The following LEKR1 variants were observed in gnomAD, a reference collection of about 807,000 sequenced individuals.
LEKR1 encodes the protein leucine, glutamate and lysine rich 1.
LEKR1 carries 59 observed loss-of-function variants against 72.4 expected under a neutral mutation model. That is an observed-to-expected ratio of 0.82 (90% CI 0.66 to 1.01). LEKR1 has a LOEUF of 1.01. Ranked by LOEUF, LEKR1 falls within the 50% of genes least tolerant of loss-of-function variation. The pLI, the probability that LEKR1 is intolerant of heterozygous loss-of-function variation, is 0.00. For missense variants in LEKR1, 728 were observed against 759.2 expected (o/e 0.96, Z 0.48); for synonymous variants, 257 against 263.2 (o/e 0.98, Z 0.23).
At chr3:156,854,403 C>T (rs1436288570) in intron 3 of LEKR1, among the ~76,000 whole-genome samples, 1 of 152,028 alleles carries the variant, frequency 6.6e-6, no homozygotes, top group Non-Finnish European at 1.5e-5. Flanking sequence ...ACCTGGGCCT[C>T]CCAAACTGTT....
At chr3:156,915,675 C>T (rs377260554) in intron 3 of LEKR1, among the ~76,000 whole-genome samples, 6 of 151,578 alleles carry the variant, frequency 4.0e-5, no homozygotes, top group South Asian at 2.1e-4. Context: ...GTTTTAGATG[C>T]GTAGTTTGTA....
chr3:157,032,917 C>A (rs1049465974), intron 12 of LEKR1, among the ~76,000 whole-genome samples: 2 of 152,016 alleles, frequency 1.3e-5, no homozygotes, highest in Non-Finnish European at 2.9e-5. Flanking sequence ...CTTTGTGTCA[C>A]AGTTTGGTAA....
intron 3 of LEKR1, among the ~76,000 whole-genome samples, chr3:156,915,623 CT>C (rs1340169446): frequency 6.6e-6 from 1 of 150,996 alleles, no homozygotes; most frequent in Non-Finnish European, 1.5e-5. Flanking sequence ...TGTTTTTTTT[CT>C]TGTAAATTTG....
intron 6 of LEKR1, among the ~76,000 whole-genome samples, chr3:156,973,696 A>G (rs1056154032): frequency 4.6e-5 from 7 of 152,102 alleles, no homozygotes; most frequent in Non-Finnish European, 7.4e-5. Flanking sequence ...GCTCAATTGG[A>G]ATGGATAGAA....
At chr3:156,872,234 A>G (rs913831744) in intron 3 of LEKR1, among the ~76,000 whole-genome samples, 1 of 151,390 alleles carries the variant, frequency 6.6e-6, no homozygotes, top group Non-Finnish European at 1.5e-5. Context: ...TGGTGTTTAT[A>G]GTTGTTTATA....
chr3:156,902,140 A>G (rs1722099640), intron 3 of LEKR1, among the ~76,000 whole-genome samples: 1 of 151,888 alleles, frequency 6.6e-6, no homozygotes, highest in South Asian at 2.1e-4. Context: ...TATTATTTCA[A>G]GTGCACTCAC....
At chr3:157,016,188 GT>G (rs1203699819) in intron 10 of LEKR1, among the ~76,000 whole-genome samples, 2 of 151,970 alleles carry the variant, frequency 1.3e-5, no homozygotes. Flanking sequence ...ATGACGGAAA[GT>G]TTTACAAATT....
intron 6 of LEKR1, among the ~76,000 whole-genome samples, chr3:156,953,812 A>G (rs1488618759): frequency 1.3e-5 from 2 of 151,958 alleles, no homozygotes; most frequent in African/African-American, 2.4e-5. Flanking sequence ...TATTGTGAAT[A>G]GTGCTGCAAT....
chr3:156,962,044 G>A (rs767998245), intron 6 of LEKR1, among the ~76,000 whole-genome samples: 4 of 152,066 alleles, frequency 2.6e-5, no homozygotes, highest in Non-Finnish European at 5.9e-5. Flanking sequence ...TTATTTTCTA[G>A]TCAGCCCTGA....
chr3:156,912,548 G>A (rs1469885506), intron 3 of LEKR1, among the ~76,000 whole-genome samples: 2 of 152,170 alleles, frequency 1.3e-5, no homozygotes, highest in Admixed American at 6.5e-5. Flanking sequence ...CCTATCTGCT[G>A]TCAAAGTCCA....
At chr3:156,895,741 A>G (rs1438341356) in intron 3 of LEKR1, among the ~76,000 whole-genome samples, 2 of 152,184 alleles carry the variant, frequency 1.3e-5, no homozygotes, top group African/African-American at 2.4e-5. Context: ...GAGAAAAAGG[A>G]ATGCTTTTAC....
chr3:156,973,318 C>T (rs1326298791), intron 6 of LEKR1, among the ~76,000 whole-genome samples: 1 of 151,886 alleles, frequency 6.6e-6, no homozygotes, highest in African/African-American at 2.4e-5. Flanking sequence ...GGGTATAGTA[C>T]CTGGTACATA....
chr3:157,023,585 T>C (rs1350161650), intron 10 of LEKR1, among the ~76,000 whole-genome samples: 1 of 152,124 alleles, frequency 6.6e-6, no homozygotes, highest in Non-Finnish European at 1.5e-5. Context: ...ATGTTAGAGC[T>C]TTACACAGAA....
intron 9 of LEKR1, among the ~76,000 whole-genome samples, chr3:156,995,921 CCTT>C (rs78861206): frequency 0.027 from 4,185 of 152,210 alleles, 157 homozygotes; most frequent in East Asian, 0.18. Flanking sequence ...ATAAGCGTTG[CCTT>C]CTTCTTTTTT....
chr3:156,979,217 C>G lies in LEKR1; in HGVS notation c.769C>G (p.Leu257Val). The G allele has an allele frequency of 7.8e-7, 1 of 1,285,510 alleles. No homozygotes were observed. Among genetic ancestry groups the G allele is most frequent in the Non-Finnish European group, 1.0e-6 (1 of 983,962 alleles). 79.6% of individuals were successfully genotyped at this position (1,285,510 alleles called of 1,614,324 possible). A position where few individuals can be genotyped will look rare whatever the true frequency, so the allele number is the denominator to read the frequency against. ...VLDLQCLVEA[L>V]GLKLQKAVTE... ...AGATTTACAATGTCTAGTAGAGGCA[C>G]TTGGATTAAAACTTCAGAAGGCGGT... The change falls in exon 7 of 13, where the codon CTT becomes GTT. Residue 257 changes from leucine (L) to valine (V), a missense_variant. Coordinates refer to ENST00000356539, the MANE Select transcript of LEKR1 (RefSeq NM_001004316.3).
intron 3 of LEKR1, among the ~76,000 whole-genome samples, chr3:156,915,098 T>C (rs1344442587): frequency 6.6e-5 from 10 of 152,174 alleles, no homozygotes; most frequent in Admixed American, 6.6e-4. Flanking sequence ...ACCCCATCCA[T>C]GTTCCTGCAA....
At chr3:157,005,608 A>G (rs1167544486) in intron 9 of LEKR1, among the ~76,000 whole-genome samples, 1 of 152,142 alleles carries the variant, frequency 6.6e-6, no homozygotes, top group African/African-American at 2.4e-5. Flanking sequence ...AAGGAAATAA[A>G]TCATGAATAA....
At chr3:156,841,680 G>T (rs144751954) in intron 2 of LEKR1, among the ~76,000 whole-genome samples, 2 of 152,208 alleles carry the variant, frequency 1.3e-5, no homozygotes, top group African/African-American at 4.8e-5. Context: ...AAAGTAGCCA[G>T]AATATGTATA....
At chr3:156,999,987 TG>T (rs1390365424) in intron 9 of LEKR1, among the ~76,000 whole-genome samples, 2 of 152,208 alleles carry the variant, frequency 1.3e-5, no homozygotes, top group Non-Finnish European at 2.9e-5. Flanking sequence ...CCTAAGTATT[TG>T]TCTTGAAGGG....
Sources: allele counts gnomAD v4.1 joint callset (sites outside exome capture counted in the v4.1 genomes callset), GRCh38; gene constraint gnomAD v4.1.1; transcripts MANE v1.5; gene names NCBI Gene and HGNC (gene_info 2026-07-23, HGNC 2026-07-21).